Variants in KIAA1671 observed in about 807,000 individuals in gnomAD.
The protein encoded by KIAA1671 is KIAA1671, also known as uncharacterized protein KIAA1671.
A neutral mutation model predicts 131.2 loss-of-function variants in KIAA1671; 52 were observed. The ratio of observed to expected loss-of-function variants is 0.40; its 90% CI spans 0.32 to 0.50. The LOEUF (loss-of-function observed/expected upper bound fraction) is 0.50, where lower values mean the gene tolerates loss of function less well. KIAA1671 is among the 20% of genes least tolerant of loss of function. The pLI, the probability that KIAA1671 is intolerant of heterozygous loss-of-function variation, is 0.73. For synonymous variants in KIAA1671, 1,003 were observed against 961.6 expected, an observed-to-expected ratio of 1.04 and a Z score of -0.80; for missense variants, 2,360 against 2,364.2, an observed-to-expected ratio of 1.00 and a Z score of 0.04.
chr22:24,995,924 G>C (rs1924109766), intron 1 of KIAA1671, among the ~76,000 whole-genome samples: 1 of 152,198 alleles, frequency 6.6e-6, no homozygotes, highest in African/African-American at 2.4e-5. Flanking sequence ...TTGTACAGAG[G>C]GATACAGACA....
chr22:25,006,890 T>C (rs931178334), intron 1 of KIAA1671, among the ~76,000 whole-genome samples: 3 of 152,204 alleles, frequency 2.0e-5, no homozygotes, highest in Admixed American at 2.0e-4. Context: ...AATCTTCCTG[T>C]CTCAAGAGCC....
intron 5 of KIAA1671, among the ~76,000 whole-genome samples, chr22:25,046,127 C>G (rs1005229913): frequency 2.0e-5 from 3 of 151,966 alleles, no homozygotes; most frequent in Non-Finnish European, 4.4e-5. Flanking sequence ...CATGGTGAAA[C>G]TCCATCTCTA....
intron 7 of KIAA1671, among the ~76,000 whole-genome samples, chr22:25,172,532 G>C (rs1933884907): frequency 6.6e-6 from 1 of 152,226 alleles, no homozygotes; most frequent in Non-Finnish European, 1.5e-5. Flanking sequence ...CCTGTGGAAA[G>C]TTCTGCTCAA....
intron 6 of KIAA1671, among the ~76,000 whole-genome samples, chr22:25,068,194 A>G (rs5760827): frequency 0.78 from 116,776 of 150,502 alleles, 45,509 homozygotes; most frequent in African/African-American, 0.87. Flanking sequence ...GAGCAGGGCC[A>G]GCCTTCCGAC....
At chr22:25,117,375 G>T (rs1347756458) in intron 6 of KIAA1671, among the ~76,000 whole-genome samples, 1 of 152,058 alleles carries the variant, frequency 6.6e-6, no homozygotes, top group Non-Finnish European at 1.5e-5. Flanking sequence ...CAGGACTGGG[G>T]ATCCATGAAG....
intron 1 of KIAA1671, among the ~76,000 whole-genome samples, chr22:24,970,252 G>A (rs1922527690): frequency 6.6e-6 from 1 of 152,130 alleles, no homozygotes; most frequent in South Asian, 2.1e-4. Flanking sequence ...AGGGGAGAAG[G>A]ACAAGGTCGG....
intron 6 of KIAA1671, among the ~76,000 whole-genome samples, chr22:25,096,136 C>T (rs1485834204): frequency 6.6e-6 from 1 of 152,114 alleles, no homozygotes; most frequent in Non-Finnish European, 1.5e-5. Flanking sequence ...GTTGTGTGTC[C>T]CCGGCCTTGT....
chr22:25,152,000 A>G (rs950618033), intron 6 of KIAA1671, among the ~76,000 whole-genome samples: 1 of 152,112 alleles, frequency 6.6e-6, no homozygotes, highest in Admixed American at 6.5e-5. Flanking sequence ...AAGCCTCCCA[A>G]TGACATGGAT....
rs1602088871 is a variant in KIAA1671, at chr22:25,038,894, A to T, written c.1764A>T (p.Gly588=). 1 of 1,551,736 alleles carries T rather than the reference A, an allele frequency of 6.4e-7. No individual in the cohort carries two copies. Residue 588 remains glycine, a synonymous_variant, in exon 5 of 13, where the codon GGA becomes GGT. Coordinates refer to ENST00000358431, the MANE Select transcript of KIAA1671 (RefSeq NM_001145206.2). ...SNQDPDSCRG[G]SSVEAPCPSD... is the part of the protein sequence containing the mutation. ...AAGACCCCGACAGCTGTCGCGGTGG[A>T]AGCTCAGTGGAGGCCCCGTGCCCTT...
chr22:25,027,361 C>T (rs1926004729), intron 2 of KIAA1671, among the ~76,000 whole-genome samples: 3 of 152,200 alleles, frequency 2.0e-5, no homozygotes, highest in African/African-American at 2.4e-5. Flanking sequence ...GCTGTGTGAC[C>T]TGCAGCAGGT....
intron 1 of KIAA1671, among the ~76,000 whole-genome samples, chr22:24,999,632 A>C (rs938748203): frequency 6.7e-6 from 1 of 149,862 alleles, no homozygotes; most frequent in Non-Finnish European, 1.5e-5. Context: ...GTGCGATCTC[A>C]GTTCACCGTA....
At chr22:25,171,092 AC>A (rs964588084) in intron 7 of KIAA1671, among the ~76,000 whole-genome samples, 154 bp downstream of exon 7, 33 of 152,160 alleles carry the variant, frequency 2.2e-4, no homozygotes, top group African/African-American at 6.0e-4. Flanking sequence ...ATTAGGAAGT[AC>A]AAAAAAATAA....
intron 9 of KIAA1671, chr22:25,179,185 G>A: frequency 9.9e-6 from 10 of 1,006,976 alleles, no homozygotes; most frequent in Admixed American, 2.0e-5. Context: ...CGGAAGAGAA[G>A]CATGAAGCTG....
At chr22:25,005,126 G>T (rs986807293) in intron 1 of KIAA1671, among the ~76,000 whole-genome samples, 1 of 151,426 alleles carries the variant, frequency 6.6e-6, no homozygotes, top group African/African-American at 2.4e-5. Flanking sequence ...GACGTGAGCG[G>T]GTTACAAAGT....
rs1399952585 is a variant in KIAA1671 at position 25,194,516 on chromosome 22, A to G, written c.*2115A>G. The G allele has an allele frequency of 6.6e-6, 1 of 152,238 alleles. No individual in the cohort carries two copies. The highest frequency in any genetic ancestry group is 1.5e-5 in the Non-Finnish European group (1 of 68,054). 9.4% of individuals were successfully genotyped at this position (152,238 alleles called of 1,614,324 possible). A position where few individuals can be genotyped will look rare whatever the true frequency, so the allele number is the denominator to read the frequency against. Reference sequence around the variant, plus strand: ...TTACATATATTGATGGTCCTCATGCAAAACTCTCAATTCTTAATTAGTCAT... The same window carrying G: ...TTACATATATTGATGGTCCTCATGCGAAACTCTCAATTCTTAATTAGTCAT... On this transcript the variant is annotated 3_prime_UTR_variant, in exon 13 of 13. Transcript: ENST00000358431.
intron 6 of KIAA1671, among the ~76,000 whole-genome samples, chr22:25,093,235 C>T (rs1568950575): frequency 6.6e-6 from 1 of 152,104 alleles, no homozygotes; most frequent in African/African-American, 2.4e-5. Context: ...AAGTCCACAG[C>T]GCATTGGTGG....
intron 6 of KIAA1671, among the ~76,000 whole-genome samples, chr22:25,154,106 A>G (rs993050384): frequency 2.0e-5 from 3 of 152,260 alleles, no homozygotes; most frequent in Non-Finnish European, 4.4e-5. Context: ...AAGGATGTCC[A>G]GGGTTTCCCT....
intron 1 of KIAA1671, among the ~76,000 whole-genome samples, chr22:25,001,207 A>ATG (rs1924456262): frequency 2.1e-5 from 3 of 144,710 alleles, no homozygotes; most frequent in Admixed American, 7.2e-5. Flanking sequence ...GTGTATGTGT[A>ATG]TGTATGTGTA....
intron 6 of KIAA1671, among the ~76,000 whole-genome samples, chr22:25,093,752 CTCTCTCTCTCTCTCTG>C (rs1930191892): frequency 3.5e-4 from 19 of 54,354 alleles, no homozygotes; most frequent in Non-Finnish European, 4.8e-4. Context: ...CTCTCTCTCT[CTCTCTCTCTCTCTCTG>C]TCTCTCTCTC....
Sources: gnomAD v4.1 joint callset for allele counts (sites outside exome capture counted in the v4.1 genomes callset) on GRCh38, gnomAD v4.1.1 for gene constraint, MANE v1.5 for transcripts, NCBI Gene and HGNC (gene_info 2026-07-23, HGNC 2026-07-21) for gene names.